The following ANO1 variants were observed in gnomAD, a reference collection of about 807,000 sequenced individuals.
The protein encoded by ANO1 is anoctamin 1.
Under a neutral mutation model 124.0 loss-of-function variants are expected in ANO1, and 59 were observed. The ratio of observed to expected loss-of-function variants is 0.48; its 90% confidence interval spans 0.39 to 0.59. The LOEUF is 0.59. ANO1 is among the 20% of genes least tolerant of loss of function. ANO1 has a pLI of 0.00. For missense variants in ANO1, 1,059 were observed against 1,328.0 expected, an observed-to-expected ratio of 0.80 and a Z score of 3.15; for synonymous variants, 529 against 532.0, an observed-to-expected ratio of 0.99 and a Z score of 0.08.
At chr11:70,152,551 G>A (rs535118331) in intron 13 of ANO1, 90 bp downstream of exon 13, 136 of 1,407,196 alleles carry the variant, frequency 9.7e-5, no homozygotes, top group African/African-American at 6.5e-4. Flanking sequence ...TTTCTACCAC[G>A]CAGTTCCCGC....
rs539389781 is a variant in ANO1, at chr11:70,020,849, A to G, written c.58+34683A>G. ...GCATTCCCATTCTCCAAGCATCAAA[A>G]GGCTGGACTATTCAAAACAAACAAA... On this transcript the variant is annotated intron_variant, in intron 1 of 27. Transcript: ENST00000531349. 18 of 152,406 alleles carry G rather than the reference A, an allele frequency of 1.2e-4. No individual in the cohort carries two copies. The East Asian group carries it at 3.5e-3, about 29-fold the overall frequency. 9.4% of individuals were successfully genotyped at this position (152,406 alleles called of 1,614,324 possible).
chr11:70,126,271 T>C lies in ANO1; in HGVS notation c.1097+76T>C, dbSNP rs1031492285. ...CCTGCCATCCCAGCTGCACAATTCA[T>C]TGGGACACTGGCCTCTCACACCAAT... On this transcript the variant is annotated intron_variant, in intron 10 of 25. Coordinates refer to ENST00000355303, the MANE Select transcript of ANO1 (RefSeq NM_018043.7). 8.6e-6 allele frequency: 13 copies of C among 1,507,968 alleles called. No homozygotes were observed. In the African/African-American group the frequency reaches 9.7e-5, roughly 11 times the overall value. The allele number at this position is 1,507,968 out of a possible 1,614,324, so 93.4% of individuals were successfully genotyped here.
chr11:70,155,390 G>T (rs1347434002), intron 14 of ANO1, among the ~76,000 whole-genome samples: 3 of 152,246 alleles, frequency 2.0e-5, no homozygotes, highest in Admixed American at 2.0e-4. Flanking sequence ...CCCAGGCCCT[G>T]TCTGCTTCTG....
At chr11:70,005,131 G>A (rs1292863787) in intron 1 of ANO1, among the ~76,000 whole-genome samples, 1 of 125,114 alleles carries the variant, frequency 8.0e-6, no homozygotes, top group Non-Finnish European at 1.8e-5. Context: ...AAAAAAAATT[G>A]GTGACAGAAA....
At chr11:70,006,668 T>C (rs868950937) in intron 1 of ANO1, among the ~76,000 whole-genome samples, 10,909 of 92,218 alleles carry the variant, frequency 0.12, 735 homozygotes, top group African/African-American at 0.23. Flanking sequence ...TCTTTCTTTT[T>C]TTTTTTTTTT....
At chr11:70,113,808 A>G (rs1448726055) in intron 7 of ANO1, among the ~76,000 whole-genome samples, 1 of 152,118 alleles carries the variant, frequency 6.6e-6, no homozygotes, top group Non-Finnish European at 1.5e-5. Context: ...TGTACCTCAT[A>G]TAACCTGTGC....
At chr11:69,992,520 C>T (rs1554997705) in intron 1 of ANO1, among the ~76,000 whole-genome samples, 2 of 152,150 alleles carry the variant, frequency 1.3e-5, no homozygotes, top group African/African-American at 4.8e-5. Flanking sequence ...GATGGGCCAG[C>T]CACACCTGGC....
chr11:69,971,785 C>T, the ANO1 span, among the ~76,000 whole-genome samples: 1,488 of 152,178 alleles, frequency 9.8e-3, 25 homozygotes, highest in African/African-American at 0.033. Flanking sequence ...GGGGTGTCCT[C>T]CCCGTGTGTT....
chr11:70,104,295 G>A, intron 4 of ANO1, 145 bp downstream of exon 4: 1 of 955,862 alleles, frequency 1.0e-6, no homozygotes, highest in East Asian at 2.6e-5. Flanking sequence ...GCCCAGAAGA[G>A]GCTGTGGAAA....
At chr11:70,085,473 G>A (rs775250397) in intron 1 of ANO1, 1 of 1,535,970 alleles carries the variant, frequency 6.5e-7, no homozygotes, top group South Asian at 1.2e-5. Flanking sequence ...CTGTGTTACT[G>A]TAGAGAGAAG....
At chr11:69,982,325 C>T (rs1402564074), upstream of ANO1, among the ~76,000 whole-genome samples, 3 of 152,310 alleles carry the variant, frequency 2.0e-5, no homozygotes, top group Non-Finnish European at 2.9e-5. Context: ...GTGCCCACTT[C>T]TCCACCTTGG....
At chr11:70,016,185 G>A (rs2001397) in intron 1 of ANO1, among the ~76,000 whole-genome samples, 35,884 of 151,604 alleles carry the variant, frequency 0.24, 4,401 homozygotes, top group Admixed American at 0.27. Context: ...ACGCCACCAC[G>A]CCCAGCTAAT....
In ANO1 at chr11:70,045,653, C is replaced by T. The variant is rs142849313; in HGVS notation, c.59-32889C>T. On this transcript the variant is annotated intron_variant, in intron 1 of 27. Transcript: ENST00000531349. ...CTCATACAACTGATTTTTTTTTTTCCGTATCATATGGGAAGGGTGTTTAAG... is the reference window on the plus strand; with the variant it reads ...CTCATACAACTGATTTTTTTTTTTCTGTATCATATGGGAAGGGTGTTTAAG... Among the ~76,000 whole-genome samples, 119 of 151,168 alleles carry T rather than the reference C, an allele frequency of 7.9e-4. 1 individual carries two copies. Among genetic ancestry groups the T allele is most frequent in the Non-Finnish European group, 1.5e-3 (100 of 67,768 alleles).
intron 1 of ANO1, among the ~76,000 whole-genome samples, chr11:70,047,214 G>A (rs1857275327): frequency 6.6e-6 from 1 of 151,990 alleles, no homozygotes; most frequent in Admixed American, 6.6e-5. Flanking sequence ...TAATATATCA[G>A]GATTGGTTCA....
chr11:70,186,714 C>T (rs2049142392), intron 25 of ANO1, among the ~76,000 whole-genome samples: 1 of 152,178 alleles, frequency 6.6e-6, no homozygotes, highest in African/African-American at 2.4e-5. Flanking sequence ...AGGTGTCCCT[C>T]TAGTCTCGAT....
At position 70,087,980 on chromosome 11, in the gene ANO1, G is replaced by A; in HGVS notation, c.337G>A (p.Gly113Arg). 6.3e-7 allele frequency: 1 copy of A among 1,579,026 alleles called. No individual in the cohort carries two copies. Among genetic ancestry groups the A allele is most frequent in the Admixed American group, 1.8e-5 (1 of 55,950 alleles). The change falls in exon 2 of 26, where the codon GGG becomes AGG. Residue 113 changes from glycine to arginine, a missense_variant. Gly to Arg is a moderately radical substitution (Grantham distance 125). This residue lies in a region of ANO1 where 250 missense variants were observed against 233.1 expected (regional missense o/e 1.07). Coordinates refer to ENST00000355303, the MANE Select transcript of ANO1 (RefSeq NM_018043.7). ...GKGASLDAGS[G>R]EPPMDYHEDD... ...GGGGGCGTCGCTGGATGCAGGCTCGGGGGAGCCCCCGATGGACTACCACGA... is the reference window on the plus strand; with the variant it reads ...GGGGGCGTCGCTGGATGCAGGCTCGAGGGAGCCCCCGATGGACTACCACGA...
intron 15 of ANO1, 120 bp from the exon 16 acceptor site, chr11:70,156,827 A>G: frequency 1.2e-6 from 1 of 826,292 alleles, no homozygotes; most frequent in Non-Finnish European, 1.9e-6. Flanking sequence ...TTTTCTGAGT[A>G]TTTCTGTTGT....
intron 24 of ANO1, among the ~76,000 whole-genome samples, chr11:70,184,837 C>T (rs1351421350): frequency 6.6e-6 from 1 of 152,116 alleles, no homozygotes; most frequent in Non-Finnish European, 1.5e-5. Flanking sequence ...ACCTCAACCT[C>T]CCGGGCTCAG....
intron 1 of ANO1, among the ~76,000 whole-genome samples, chr11:70,018,579 C>T (rs1312406575): frequency 6.6e-6 from 1 of 152,144 alleles, no homozygotes; most frequent in Non-Finnish European, 1.5e-5. Flanking sequence ...CACCACCTGC[C>T]CAGACCCTTC....
Sources: allele counts gnomAD v4.1 joint callset (sites outside exome capture counted in the v4.1 genomes callset), GRCh38; gene constraint gnomAD v4.1.1; regional missense constraint gnomAD v4.1.1; transcripts MANE v1.5; gene names NCBI Gene and HGNC (gene_info 2026-07-23, HGNC 2026-07-21).